Variants in USP8 observed in about 807,000 individuals in gnomAD.
The protein encoded by USP8 is ubiquitin carboxyl-terminal hydrolase 8.
A neutral mutation model predicts 130.0 loss-of-function variants in USP8; 27 were observed. The ratio of observed to expected loss-of-function variants is 0.21; its 90% CI spans 0.15 to 0.29. USP8 has a LOEUF of 0.29. Among genes scored for constraint, USP8 ranks in the 10% least tolerant of loss-of-function variants. USP8 has a pLI of 1.00. For synonymous variants in USP8, 392 were observed against 444.1 expected, an observed-to-expected ratio of 0.88 and a Z score of 1.48; for missense variants, 1,029 against 1,312.2, an observed-to-expected ratio of 0.78 and a Z score of 3.33.
At chr15:50,449,374 A>T in intron 3 of USP8, 26 bp from the exon 4 acceptor site, 1 of 1,478,536 alleles carries the variant, frequency 6.8e-7, no homozygotes, top group Non-Finnish European at 9.2e-7. Flanking sequence ...AACTAACAAT[A>T]TGGGATGGTT....
chr15:50,472,375 C>T (rs1320072590), intron 8 of USP8, among the ~76,000 whole-genome samples: 3 of 150,392 alleles, frequency 2.0e-5, no homozygotes, highest in Admixed American at 1.3e-4. Flanking sequence ...GTGGGTGGAT[C>T]ACGAGGTCAG....
chr15:50,492,139 G>A (rs186004730), intron 14 of USP8, among the ~76,000 whole-genome samples: 10 of 152,262 alleles, frequency 6.6e-5, no homozygotes, highest in Admixed American at 6.5e-4. Context: ...TGGGATTATA[G>A]ACAGCCATTG....
chr15:50,470,998 A>G (rs2141291552), intron 7 of USP8, among the ~76,000 whole-genome samples: 1 of 152,320 alleles, frequency 6.6e-6, no homozygotes, highest in South Asian at 2.1e-4. Context: ...CAGCATAGCA[A>G]AGAACATGTA....
chr15:50,451,639 G>A (rs2050632594), intron 4 of USP8, among the ~76,000 whole-genome samples: 1 of 152,140 alleles, frequency 6.6e-6, no homozygotes, highest in African/African-American at 2.4e-5. Flanking sequence ...CCTTTTCACT[G>A]TTTTTCTCCC....
chr15:50,472,042 A>T (rs1481568504), intron 8 of USP8, among the ~76,000 whole-genome samples: 1 of 151,670 alleles, frequency 6.6e-6, no homozygotes, highest in East Asian at 2.0e-4. Flanking sequence ...CTGGGACTGC[A>T]GGCGTGAGCC....
At chr15:50,463,597 A>G (rs755828690) in intron 6 of USP8, 2 of 152,162 alleles carry the variant, frequency 1.3e-5, no homozygotes, top group African/African-American at 2.4e-5. Flanking sequence ...TCATTCCAAG[A>G]TTAGTTTTTA....
At chr15:50,427,459 G>A (rs986557987) in intron 1 of USP8, among the ~76,000 whole-genome samples, 2 of 151,740 alleles carry the variant, frequency 1.3e-5, no homozygotes, top group Non-Finnish European at 2.9e-5. Flanking sequence ...TAAATGGAAA[G>A]TAAGGCCTGC....
chr15:50,491,238 T>C (rs2141318872), intron 14 of USP8, among the ~76,000 whole-genome samples: 1 of 152,322 alleles, frequency 6.6e-6, no homozygotes, highest in South Asian at 2.1e-4. Context: ...ATGATTTTTT[T>C]CCCATTTATT....
intron 14 of USP8, among the ~76,000 whole-genome samples, chr15:50,492,457 C>A (rs1489408772): frequency 1.3e-5 from 2 of 152,078 alleles, no homozygotes; most frequent in African/African-American, 4.8e-5. Context: ...CTCTAAGAAC[C>A]ATGACCCACA....
rs1407880423 is a variant in USP8 at position 50,450,460 on chromosome 15, T to TTC, written c.335+977_335+978dup. Among the ~76,000 whole-genome samples the TTC allele has an allele frequency of 6.3e-5, 8 of 126,010 alleles. No individual in the cohort carries two copies. In the East Asian group the frequency reaches 1.9e-3, roughly 30 times the overall value. 82.7% of individuals were successfully genotyped at this position (126,010 alleles called of 152,430 possible). On this transcript the variant is annotated intron_variant, in intron 4 of 19. Coordinates refer to ENST00000307179, the MANE Select transcript of USP8 (RefSeq NM_005154.5). ...TGTTTCAGTTTTTAGTCGTTAGTCA[T>TTC]TCTTTTTTTTTTTTTTTTTTTTTTT...
intron 3 of USP8, among the ~76,000 whole-genome samples, chr15:50,442,555 C>A (rs1458467980): frequency 2.6e-5 from 4 of 151,920 alleles, no homozygotes; most frequent in African/African-American, 9.7e-5. Context: ...ACCAGCCTGG[C>A]CAACATGGTG....
intron 7 of USP8, among the ~76,000 whole-genome samples, chr15:50,469,832 T>A (rs892695474): frequency 3.1e-5 from 3 of 97,156 alleles, no homozygotes; most frequent in African/African-American, 1.0e-4. Context: ...TTAAATCCAA[T>A]TTTTTTTTTT....
At chr15:50,468,325 T>C (rs558433811) in intron 7 of USP8, among the ~76,000 whole-genome samples, 3 of 150,054 alleles carry the variant, frequency 2.0e-5, no homozygotes, top group South Asian at 4.3e-4. Context: ...AACCTCTGCC[T>C]TCTGGGTTCA....
At chr15:50,488,014 A>G (rs1566882959) in intron 12 of USP8, among the ~76,000 whole-genome samples, 1 of 152,210 alleles carries the variant, frequency 6.6e-6, no homozygotes, top group African/African-American at 2.4e-5. Context: ...CCCCATCTCT[A>G]AACTTTTTTT....
rs1029684059 is a variant in USP8, at chr15:50,490,378, A to G, written c.2087A>G (p.His696Arg). 7 of 1,613,698 alleles carry G rather than the reference A, an allele frequency of 4.3e-6. No individual in the cohort carries two copies. In the African/African-American group the frequency reaches 6.7e-5, roughly 15 times the overall value. The change falls in exon 14 of 20, where the codon CAT becomes CGT. Residue 696 changes from histidine (H) to arginine (R), a missense_variant. Physicochemically the swap from His to Arg is conservative, Grantham distance 29. Around this residue, in one of 4 missense-constraint regions of USP8, gnomAD observed 486 missense variants for 522.0 expected, o/e 0.93. Transcript: ENST00000307179. Reference sequence around the variant, plus strand: ...GCACCTCCTTCCACCCCTCCAACTCATAAAGCCAAGCCACAGATTCCTGCT... The same window carrying G: ...GCACCTCCTTCCACCCCTCCAACTCGTAAAGCCAAGCCACAGATTCCTGCT... ...SSAPPSTPPT[H>R]KAKPQIPAER...
rs2141339481 is a variant in USP8 at position 50,502,255 on chromosome 15, G to A, written c.*3167G>A. 1 of 152,342 alleles carries A rather than the reference G, an allele frequency of 6.6e-6. No homozygotes were observed. The highest frequency in any genetic ancestry group is 1.9e-4 in the East Asian group (1 of 5,194). 9.4% of individuals were successfully genotyped at this position (152,342 alleles called of 1,614,324 possible). A position where few individuals can be genotyped will look rare whatever the true frequency, so the allele number is the denominator to read the frequency against. ...TCCAAGTAGCTGGGAGACTACAGGT[G>A]CCTGCCACCATGCCCAGCTAATTTT... is the stretch of plus-strand genomic sequence containing the variant. On this transcript the variant is annotated 3_prime_UTR_variant, in exon 20 of 20. Transcript: ENST00000307179.
In USP8 at chr15:50,443,508, GAGTCTC is replaced by G; in HGVS notation, c.249+2017_249+2022del. Among the ~76,000 whole-genome samples, 3 of 151,814 alleles carry G rather than the reference GAGTCTC, an allele frequency of 2.0e-5. No individual in the cohort carries two copies. The South Asian group carries it at 6.3e-4, about 32-fold the overall frequency. On this transcript the variant is annotated intron_variant, in intron 3 of 19. Transcript: ENST00000307179. ...TTTGTTTTTTGTTTTTTTAAAGACG[GAGTCTC>G]ACTCTGTCGCCCAGACTGGAGTGCG...
chr15:50,470,860 A>G (rs1032144802), intron 7 of USP8, among the ~76,000 whole-genome samples: 2 of 152,044 alleles, frequency 1.3e-5, no homozygotes, highest in Non-Finnish European at 2.9e-5. Flanking sequence ...AGCCTCCCAA[A>G]GTGCTGGGAT....
chr15:50,449,650 C>T (rs868043382), intron 4 of USP8, among the ~76,000 whole-genome samples, 165 bp downstream of exon 4: 6 of 152,038 alleles, frequency 3.9e-5, no homozygotes, highest in African/African-American at 1.4e-4. Flanking sequence ...GGCGCGATCT[C>T]GGCTCCCTGC....
Sources: gnomAD v4.1 joint callset for allele counts (sites outside exome capture counted in the v4.1 genomes callset) on GRCh38, gnomAD v4.1.1 for gene constraint, gnomAD v4.1.1 regional missense constraint, MANE v1.5 for transcripts, NCBI Gene and HGNC (gene_info 2026-07-23, HGNC 2026-07-21) for gene names.